The following UHRF2 variants were observed in gnomAD, a reference collection of about 807,000 sequenced individuals.
UHRF2 encodes ubiquitin like with PHD and ring finger domains 2.
Under a neutral mutation model 96.8 loss-of-function variants are expected in UHRF2, and 23 were observed. That is an observed-to-expected ratio of 0.24 (90% CI 0.17 to 0.34). The LOEUF (loss-of-function observed/expected upper bound fraction) is 0.34. Ranked by LOEUF, UHRF2 falls within the 10% of genes least tolerant of loss-of-function variation. UHRF2 has a pLI of 1.00. For missense variants in UHRF2, 685 were observed against 981.5 expected (o/e 0.70, Z 4.04); for synonymous variants, 385 against 332.6 (o/e 1.16, Z -1.72).
chr9:6,445,998 T>TTTTTTTTTC (rs772184475), intron 3 of UHRF2, among the ~76,000 whole-genome samples: 14,429 of 128,634 alleles, frequency 0.11, 594 homozygotes, highest in East Asian at 0.19. Flanking sequence ...TTTTTTTTTT[T>TTTTTTTTTC]TTCCTGTTTT....
chr9:6,486,476 G>A (rs1170040812), intron 8 of UHRF2, among the ~76,000 whole-genome samples: 1 of 152,208 alleles, frequency 6.6e-6, no homozygotes, highest in Non-Finnish European at 1.5e-5. Flanking sequence ...TAGACTGCTG[G>A]TAGTCCTCTT....
chr9:6,472,580 A>C (rs529896868), intron 4 of UHRF2, among the ~76,000 whole-genome samples: 3 of 152,384 alleles, frequency 2.0e-5, no homozygotes, highest in African/African-American at 7.2e-5. Context: ...ACTGAAGATA[A>C]TTTGAAATAA....
At chr9:6,436,779 A>T (rs7853834) in intron 3 of UHRF2, among the ~76,000 whole-genome samples, 37,204 of 152,060 alleles carry the variant, frequency 0.24, 6,588 homozygotes, top group African/African-American at 0.5. Flanking sequence ...TTTTTTTGTC[A>T]GTTAGAATGA....
rs1044283896 is a variant in UHRF2 at position 6,432,397 on chromosome 9, A to T, written c.385-1517A>T. 7.2e-5 allele frequency among the ~76,000 whole-genome samples: 11 copies of T among 152,210 alleles called. No homozygotes were observed. In the Middle Eastern group the frequency reaches 0.01, roughly 141 times the overall value. On this transcript the variant is annotated intron_variant, in intron 2 of 15. Transcript: ENST00000276893. ...TTTATATTTTCAGTAACTTATTTCT[A>T]AGTTCCTCACTTACCTTTGAAGTTC...
intron 10 of UHRF2, chr9:6,496,279 C>T (rs1392958957): frequency 6.6e-6 from 1 of 152,040 alleles, no homozygotes; most frequent in Non-Finnish European, 1.5e-5. Context: ...TAAGTGTTCT[C>T]AGTGTTTTCT....
At chr9:6,420,580 C>T (rs930206065) in intron 1 of UHRF2, among the ~76,000 whole-genome samples, 2 of 151,746 alleles carry the variant, frequency 1.3e-5, no homozygotes, top group African/African-American at 4.8e-5. Context: ...TGACGGGCAC[C>T]TGTAGTCCCA....
At chr9:6,446,667 C>T (rs1285844836) in intron 3 of UHRF2, among the ~76,000 whole-genome samples, 1 of 151,642 alleles carries the variant, frequency 6.6e-6, no homozygotes, top group African/African-American at 2.4e-5. Flanking sequence ...GCCTGGCCAA[C>T]GTGGTGAAAC....
At chr9:6,462,430 G>A (rs965053776) in intron 4 of UHRF2, among the ~76,000 whole-genome samples, 2 of 152,094 alleles carry the variant, frequency 1.3e-5, no homozygotes, top group Non-Finnish European at 2.9e-5. Flanking sequence ...TAGACTAAGG[G>A]TATAGCTCAG....
intron 1 of UHRF2, 46 bp from the exon 2 acceptor site, chr9:6,420,866 G>C (rs1386807336): frequency 1.4e-6 from 2 of 1,456,272 alleles, no homozygotes; most frequent in Non-Finnish European, 1.9e-6. Context: ...AATGTAGTAA[G>C]ATACATTTTA....
chr9:6,493,968 G>A (rs759807186), intron 10 of UHRF2, 36 bp downstream of exon 10: 1 of 1,579,476 alleles, frequency 6.3e-7, no homozygotes, highest in Non-Finnish European at 8.7e-7. Context: ...TTTGAACATT[G>A]AATAAAAGTT....
At chr9:6,418,238 G>T (rs1172215657) in intron 1 of UHRF2, among the ~76,000 whole-genome samples, 1 of 147,352 alleles carries the variant, frequency 6.8e-6, no homozygotes, top group Non-Finnish European at 1.5e-5. Context: ...CTCCACGGGA[G>T]TTCAAGACTA....
At chr9:6,504,460 C>A in intron 14 of UHRF2, 133 bp from the exon 15 acceptor site, 2 of 591,668 alleles carry the variant, frequency 3.4e-6, no homozygotes, top group East Asian at 2.9e-5. Context: ...ATGTTCATCA[C>A]TATAAACATC....
At chr9:6,485,817 A>AC (rs1416075180) in intron 8 of UHRF2, among the ~76,000 whole-genome samples, 3 of 147,280 alleles carry the variant, frequency 2.0e-5, no homozygotes, top group African/African-American at 8.0e-5. Context: ...AAAAAAAAAA[A>AC]AAAAAAAAAA....
At chr9:6,438,737 A>G (rs1050448244) in intron 3 of UHRF2, among the ~76,000 whole-genome samples, 36 of 152,362 alleles carry the variant, frequency 2.4e-4, no homozygotes, top group Admixed American at 1.8e-3. Context: ...ATAGTAATCT[A>G]CGTATCTAAT....
At chr9:6,479,952 A>G (rs1823825373) in intron 6 of UHRF2, among the ~76,000 whole-genome samples, 1 of 152,230 alleles carries the variant, frequency 6.6e-6, no homozygotes, top group East Asian at 1.9e-4. Flanking sequence ...CCATAGCAGC[A>G]GAATGAGCTT....
chr9:6,495,768 C>G (rs1349196807), intron 10 of UHRF2: 1 of 152,010 alleles, frequency 6.6e-6, no homozygotes, highest in Non-Finnish European at 1.5e-5. Flanking sequence ...TTATCTGAAG[C>G]CAGAAGTGAG....
At chr9:6,496,862 A>G in intron 10 of UHRF2, 1 of 180,076 alleles carries the variant, frequency 5.6e-6, no homozygotes, top group Non-Finnish European at 1.2e-5. Flanking sequence ...TTAGTTTTCC[A>G]ACGTTCTCCC....
At chr9:6,423,913 C>G (rs1820081479) in intron 2 of UHRF2, among the ~76,000 whole-genome samples, 1 of 151,682 alleles carries the variant, frequency 6.6e-6, no homozygotes, top group Non-Finnish European at 1.5e-5. Flanking sequence ...CCACTGCACT[C>G]CAGCCTGGGC....
At chr9:6,434,905 G>A (rs1390300015) in intron 3 of UHRF2, among the ~76,000 whole-genome samples, 2 of 151,452 alleles carry the variant, frequency 1.3e-5, no homozygotes, top group South Asian at 2.1e-4. Context: ...ATCCTGGCTC[G>A]CTGCAATCTC....
Sources: gnomAD v4.1 joint callset for allele counts (sites outside exome capture counted in the v4.1 genomes callset) on GRCh38, gnomAD v4.1.1 for gene constraint, MANE v1.5 for transcripts, NCBI Gene and HGNC (gene_info 2026-07-23, HGNC 2026-07-21) for gene names.